SNX29: variants seen among roughly 807,000 people sequenced by gnomAD.
SNX29 encodes sorting nexin-29.
In SNX29, 78 loss-of-function variants were observed where a neutral mutation model predicts 102.1. That is an observed-to-expected ratio of 0.76 (90% CI 0.64 to 0.92). The LOEUF (loss-of-function observed/expected upper bound fraction) is 0.92. SNX29 is among the 40% of genes least tolerant of loss of function. The probability of loss-of-function intolerance (pLI) is 0.00; values close to 1 mark genes in which losing one functional copy is unlikely to be tolerated. For synonymous variants in SNX29, 580 were observed against 414.5 expected (o/e 1.40, Z -4.85); for missense variants, 1,280 against 1,061.7 (o/e 1.21, Z -2.86).
chr16:12,381,898 C>G (rs941265442), intron 16 of SNX29, among the ~76,000 whole-genome samples: 1 of 149,442 alleles, frequency 6.7e-6, no homozygotes, highest in Non-Finnish European at 1.5e-5. Flanking sequence ...CACCCCCACT[C>G]CCGTCATCCA....
At chr16:12,319,299 C>T (rs1179262203) in intron 15 of SNX29, among the ~76,000 whole-genome samples, 1 of 152,054 alleles carries the variant, frequency 6.6e-6, no homozygotes, top group African/African-American at 2.4e-5. Context: ...GCCAGGAGTT[C>T]GAGACCAGCC....
chr16:12,465,861 A>G (rs532822427), intron 18 of SNX29, among the ~76,000 whole-genome samples: 10 of 150,836 alleles, frequency 6.6e-5, no homozygotes, highest in Non-Finnish European at 1.2e-4. Flanking sequence ...AGTTTATTTC[A>G]TCAATGTCTG....
chr16:12,307,510 G>A (rs115783638), intron 15 of SNX29, among the ~76,000 whole-genome samples: 1,639 of 152,318 alleles, frequency 0.011, 25 homozygotes, highest in African/African-American at 0.037. Context: ...GCTGGTCTGG[G>A]TACAATTTTG....
At chr16:12,048,716 A>T in intron 7 of SNX29, 96 bp downstream of exon 7, 1 of 1,600,114 alleles carries the variant, frequency 6.2e-7, no homozygotes, top group Non-Finnish European at 8.6e-7. Context: ...TTCCAAGGGG[A>T]ATGGAGTCCA....
At chr16:12,264,452 T>C (rs1219890100) in intron 14 of SNX29, among the ~76,000 whole-genome samples, 1 of 152,216 alleles carries the variant, frequency 6.6e-6, no homozygotes, top group Non-Finnish European at 1.5e-5. Context: ...TAAGAATGAA[T>C]TGCAGAAGTC....
intron 17 of SNX29, among the ~76,000 whole-genome samples, chr16:12,403,204 G>A (rs1248947123): frequency 9.9e-5 from 4 of 40,380 alleles, no homozygotes; most frequent in Non-Finnish European, 1.9e-4. Flanking sequence ...GTGTGTGTAT[G>A]TGTGTGTGTG....
At chr16:12,020,868 C>G (rs1172236735) in intron 3 of SNX29, among the ~76,000 whole-genome samples, 3 of 152,176 alleles carry the variant, frequency 2.0e-5, no homozygotes, top group Admixed American at 6.5e-5. Flanking sequence ...AGGTGATCCT[C>G]CCATCTCGGC....
chr16:12,041,121 G>GT (rs1201870485), intron 4 of SNX29, among the ~76,000 whole-genome samples: 9 of 151,412 alleles, frequency 5.9e-5, no homozygotes, highest in Non-Finnish European at 1.0e-4. Flanking sequence ...TTTTTGTTTT[G>GT]TTTTTTTTGA....
intron 8 of SNX29, chr16:12,053,418 G>C (rs373391749): frequency 6.6e-6 from 1 of 152,096 alleles, no homozygotes; most frequent in Admixed American, 6.6e-5. Flanking sequence ...AATGAGGCCA[G>C]GTGCAGTGGT....
At chr16:12,470,995 G>A (rs550237907) in intron 18 of SNX29, among the ~76,000 whole-genome samples, 94 of 152,282 alleles carry the variant, frequency 6.2e-4, no homozygotes, top group East Asian at 1.7e-3. Flanking sequence ...CACAGCAGCC[G>A]AAAAGGATAA....
At chr16:12,514,269 T>G (rs1265521297) in intron 19 of SNX29, among the ~76,000 whole-genome samples, 1 of 152,166 alleles carries the variant, frequency 6.6e-6, no homozygotes, top group Non-Finnish European at 1.5e-5. Context: ...TGTCACTCCT[T>G]GGGGAAAGTC....
chr16:12,185,037 G>T (rs1011517495), intron 13 of SNX29, among the ~76,000 whole-genome samples: 5 of 152,216 alleles, frequency 3.3e-5, no homozygotes, highest in African/African-American at 1.2e-4. Flanking sequence ...AAGAAAGGCT[G>T]TTTGTATGAA....
chr16:12,452,044 A>T (rs1157465521), intron 18 of SNX29, among the ~76,000 whole-genome samples: 13 of 152,160 alleles, frequency 8.5e-5, no homozygotes, highest in Admixed American at 8.5e-4. Flanking sequence ...TTGGACAGTT[A>T]TTGAGCCCCA....
At chr16:12,228,902 C>A (rs2077692737) in intron 14 of SNX29, among the ~76,000 whole-genome samples, 1 of 152,254 alleles carries the variant, frequency 6.6e-6, no homozygotes, top group African/African-American at 2.4e-5. Context: ...CAGGCTGCCT[C>A]CCTGCAGTGA....
In SNX29 at chr16:12,572,515, G is replaced by T. The variant is rs552561419; in HGVS notation, c.*3886G>T. The T allele has an allele frequency of 9.4e-7, 1 of 1,064,036 alleles. No homozygotes were observed. Among genetic ancestry groups the T allele is most frequent in the African/African-American group, 1.6e-5 (1 of 61,072 alleles). The allele number at this position is 1,064,036 out of a possible 1,614,324, so 65.9% of individuals were successfully genotyped here. A position where few individuals can be genotyped will look rare whatever the true frequency, so the allele number is the denominator to read the frequency against. ...CCAGGCCTCGGCCTTCCTGCTCCAC[G>T]TGCTCAAGCCCCCACAGGGGGCTGC... On this transcript the variant is annotated 3_prime_UTR_variant, in exon 21 of 21. Coordinates refer to ENST00000566228, the MANE Select transcript of SNX29 (RefSeq NM_032167.5).
intron 15 of SNX29, among the ~76,000 whole-genome samples, chr16:12,280,804 A>C (rs2079406455): frequency 6.6e-6 from 1 of 152,212 alleles, no homozygotes; most frequent in African/African-American, 2.4e-5. Context: ...TTTTTACCAA[A>C]ATAGTTGTAA....
In SNX29 at chr16:12,568,852, T is replaced by G. The variant is rs763643386; in HGVS notation, c.*223T>G. On this transcript the variant is annotated 3_prime_UTR_variant, in exon 21 of 21. Transcript: ENST00000566228. ...CAAGGCAGCACCTCGCTGGAGAGAC[T>G]GGGACACACAGTCCTTCTGCTTCTG... 4.6e-6 allele frequency: 3 copies of G among 657,338 alleles called. No individual in the cohort carries two copies. Among genetic ancestry groups the G allele is most frequent in the Non-Finnish European group, 7.5e-6 (3 of 401,748 alleles). The allele number at this position is 657,338 out of a possible 1,614,324, so 40.7% of individuals were successfully genotyped here.
intron 20 of SNX29, among the ~76,000 whole-genome samples, chr16:12,531,709 G>C (rs552371705): frequency 2.0e-5 from 3 of 152,286 alleles, no homozygotes; most frequent in African/African-American, 7.2e-5. Context: ...GGACAAGGAG[G>C]GGAAGCCCGC....
Position 12,078,902 on chromosome 16 carries a change from G to C in SNX29, c.1389G>C (p.Glu463Asp). ...TGTTACCTTCTGCCTCAGTGCCAGA[G>C]TCCATGACAATTAGTAAGTACTTTC... Reference protein sequence around the residue: ...SSLLPSASVPESMTISELRQA... With the variant: ...SSLLPSASVPDSMTISELRQA... Residue 463 changes from glutamate to aspartate, a missense_variant, in exon 11 of 21, where the codon GAG (glutamate) becomes GAC (aspartate). Glu to Asp is a conservative substitution (Grantham distance 45, BLOSUM62 2). Transcript: ENST00000566228. 1 of 1,603,772 alleles carries C rather than the reference G, an allele frequency of 6.2e-7. No homozygotes were observed. The highest frequency in any genetic ancestry group is 8.5e-7 in the Non-Finnish European group (1 of 1,175,350).
Sources: allele counts gnomAD v4.1 joint callset (sites outside exome capture counted in the v4.1 genomes callset), GRCh38; gene constraint gnomAD v4.1.1; transcripts MANE v1.5; gene names NCBI Gene and HGNC (gene_info 2026-07-23, HGNC 2026-07-21).